ST7: variants seen among roughly 807,000 people sequenced by gnomAD.
ST7 encodes suppressor of tumorigenicity 7 protein.
ST7 carries 28 observed loss-of-function variants against 78.7 expected under a neutral mutation model. The ratio of observed to expected loss-of-function variants is 0.36; its 90% confidence interval spans 0.26 to 0.49. ST7 has a LOEUF of 0.49. Among genes scored for constraint, ST7 ranks in the 20% least tolerant of loss-of-function variants. The pLI, the probability that ST7 is intolerant of heterozygous loss-of-function variation, is 0.99. For synonymous variants in ST7, 247 were observed against 249.6 expected, an observed-to-expected ratio of 0.99 and a Z score of 0.10; for missense variants, 418 against 696.0, an observed-to-expected ratio of 0.60 and a Z score of 4.49.
chr7:117,003,678 C>T (rs924505122), intron 1 of ST7, among the ~76,000 whole-genome samples: 1 of 152,168 alleles, frequency 6.6e-6, no homozygotes, highest in African/African-American at 2.4e-5. Context: ...AGTGATCCTC[C>T]TGCCTCAGCC....
At chr7:116,963,632 CTTT>C (rs1026576295) in intron 1 of ST7, among the ~76,000 whole-genome samples, 12 of 135,806 alleles carry the variant, frequency 8.8e-5, no homozygotes, top group Non-Finnish European at 9.6e-5. Context: ...TCTTTTTTTT[CTTT>C]TTTTTTTTTT....
intron 10 of ST7, among the ~76,000 whole-genome samples, chr7:117,188,638 G>A (rs998312450): frequency 1.3e-5 from 2 of 152,130 alleles, no homozygotes; most frequent in Admixed American, 1.3e-4. Context: ...TGTTTTTCCT[G>A]ATGACAAGTG....
chr7:117,221,421 G>A (rs574519465), intron 14 of ST7, among the ~76,000 whole-genome samples: 2 of 152,124 alleles, frequency 1.3e-5, no homozygotes, highest in African/African-American at 4.8e-5. Flanking sequence ...TACTTAGAGG[G>A]TGCCAGGAAA....
At position 117,119,621 on chromosome 7, in the gene ST7, A is replaced by G. The variant is rs1803198686; in HGVS notation, c.295A>G (p.Ser99Gly). ...GTSFIEQVSV[S>G]HLRPLLGGVD... ...TTCATTCATTGAACAAGTCTCAGTA[A>G]GCCACTTGCGCCCCCTTCTGGGAGG... The change falls in exon 3 of 16, where the codon AGC (serine) becomes GGC (glycine). Residue 99 changes from serine (S) to glycine (G), a missense_variant. Physicochemically the swap from Ser to Gly is moderately conservative, Grantham distance 56 (BLOSUM62 0). This residue lies in a region of ST7 where 23 missense variants were observed against 67.7 expected (regional missense o/e 0.34). Coordinates refer to ENST00000323984, the MANE Select transcript of ST7 (RefSeq NM_001369598.1). 1.2e-6 allele frequency: 2 copies of G among 1,613,930 alleles called. No individual in the cohort carries two copies. Among genetic ancestry groups the G allele is most frequent in the Non-Finnish European group, 1.7e-6 (2 of 1,179,994 alleles).
chr7:117,140,461 A>G (rs1211460390), intron 9 of ST7, among the ~76,000 whole-genome samples: 1 of 152,164 alleles, frequency 6.6e-6, no homozygotes, highest in Non-Finnish European at 1.5e-5. Context: ...AAATAAGATA[A>G]TGTGAAAACA....
chr7:117,096,782 A>G (rs1442032317), intron 1 of ST7, among the ~76,000 whole-genome samples: 1 of 152,224 alleles, frequency 6.6e-6, no homozygotes, highest in Non-Finnish European at 1.5e-5. Context: ...CCATGTCCTT[A>G]TGATTTTTGC....
intron 1 of ST7, chr7:117,098,908 T>C: frequency 1.8e-6 from 2 of 1,133,514 alleles, no homozygotes; most frequent in Non-Finnish European, 2.4e-6. Context: ...AAAATACTTG[T>C]AAGTGAACCC....
chr7:117,070,633 C>T (rs968858938), intron 1 of ST7, among the ~76,000 whole-genome samples: 2 of 152,020 alleles, frequency 1.3e-5, no homozygotes, highest in Admixed American at 6.6e-5. Context: ...CTCCGCCTCT[C>T]GGGTTCACGC....
At chr7:117,029,406 T>A (rs560970489) in intron 1 of ST7, among the ~76,000 whole-genome samples, 54 of 152,322 alleles carry the variant, frequency 3.5e-4, no homozygotes, top group Non-Finnish European at 6.8e-4. Context: ...GTTGTGTTTG[T>A]TCAAATCCTT....
chr7:116,977,863 A>G (rs1793776020), intron 1 of ST7, among the ~76,000 whole-genome samples: 1 of 152,218 alleles, frequency 6.6e-6, no homozygotes. Flanking sequence ...GAGTGGTGGT[A>G]TTTTTAAAGA....
chr7:117,191,877 T>A (rs1250306578), intron 12 of ST7: 2 of 151,238 alleles, frequency 1.3e-5, no homozygotes, highest in Non-Finnish European at 2.9e-5. Flanking sequence ...GGTGGGGGGG[T>A]ATGAGTGAGA....
rs117758897 is a variant in ST7, at chr7:117,193,124, T to C, written c.1254+2188T>C. 7.4e-4 allele frequency among the ~76,000 whole-genome samples: 111 copies of C among 149,798 alleles called. 1 individual carries two copies. In the East Asian group the frequency reaches 0.019, roughly 26 times the overall value. On this transcript the variant is annotated intron_variant, in intron 12 of 15. Transcript: ENST00000323984. ...GATTTCTAATATACAGTATGCAGTG[T>C]GCTCTAAATATCTAACTTTAGCAGA...
At chr7:117,118,371 C>T (rs1365810595) in intron 2 of ST7, 1 of 152,134 alleles carries the variant, frequency 6.6e-6, no homozygotes, top group Non-Finnish European at 1.5e-5. Flanking sequence ...ATCAAGGTGT[C>T]CTGTTATAGG....
At chr7:117,118,138 G>A (rs1267109570) in intron 2 of ST7, among the ~76,000 whole-genome samples, 1 of 152,172 alleles carries the variant, frequency 6.6e-6, no homozygotes, top group Non-Finnish European at 1.5e-5. Context: ...GAAATCTTAA[G>A]TGCTCCAAAA....
At chr7:117,170,520 A>C (rs1016617288) in intron 9 of ST7, among the ~76,000 whole-genome samples, 8 of 152,148 alleles carry the variant, frequency 5.3e-5, no homozygotes, top group Non-Finnish European at 1.2e-4. Context: ...GTCTCTACTT[A>C]AAACACAAAA....
At chr7:117,053,191 A>G (rs1797877642) in intron 1 of ST7, among the ~76,000 whole-genome samples, 1 of 152,246 alleles carries the variant, frequency 6.6e-6, no homozygotes, top group Admixed American at 6.5e-5. Flanking sequence ...TTAACGAAAC[A>G]AACTAAATTT....
rs997775400 is a variant in ST7, at chr7:116,990,097, C to T, written c.151+36406C>T. Among the ~76,000 whole-genome samples the T allele has an allele frequency of 3.9e-5, 6 of 152,054 alleles. No individual in the cohort carries two copies. In the South Asian group the frequency reaches 6.2e-4, roughly 16 times the overall value. ...CTGGGACTACACATGCCACCACACC[C>T]GGCTAATTTTTTGTATTTTTAGTAG... On this transcript the variant is annotated intron_variant, in intron 1 of 15. Transcript: ENST00000323984.
chr7:117,108,895 C>T (rs1361173932), intron 2 of ST7, among the ~76,000 whole-genome samples: 3 of 152,114 alleles, frequency 2.0e-5, no homozygotes, highest in African/African-American at 7.2e-5. Context: ...ATTTGCTTCT[C>T]AGCTTGGTCG....
At chr7:117,013,321 G>A (rs1795460493) in intron 1 of ST7, among the ~76,000 whole-genome samples, 1 of 152,140 alleles carries the variant, frequency 6.6e-6, no homozygotes, top group Non-Finnish European at 1.5e-5. Flanking sequence ...TACAACTTGT[G>A]GAAGGCTTCC....
Sources: gnomAD v4.1 joint callset for allele counts (sites outside exome capture counted in the v4.1 genomes callset) on GRCh38, gnomAD v4.1.1 for gene constraint, gnomAD v4.1.1 regional missense constraint, MANE v1.5 for transcripts, NCBI Gene and HGNC (gene_info 2026-07-23, HGNC 2026-07-21) for gene names.